SATB2: variants seen among roughly 807,000 people sequenced by gnomAD.
SATB2 encodes SATB homeobox 2.
A neutral mutation model predicts 73.4 loss-of-function variants in SATB2; 1 was observed. The observed-to-expected ratio is 0.01, with a 90% confidence interval of 0.00 to 0.06. SATB2 has a LOEUF of 0.06. SATB2 is among the 10% of genes least tolerant of loss of function. The pLI is 1.00. For missense variants in SATB2, 459 were observed against 945.8 expected (o/e 0.49, Z 6.75); for synonymous variants, 397 against 367.0 (o/e 1.08, Z -0.93).
intron 2 of SATB2, among the ~76,000 whole-genome samples, chr2:199,441,321 G>GA (rs1351383224): frequency 2.0e-5 from 3 of 151,930 alleles, no homozygotes; most frequent in Non-Finnish European, 4.4e-5. Context: ...TAAGAGTTAA[G>GA]AAAAAACCAA....
chr2:199,306,417 G>A (rs935285924), intron 10 of SATB2, among the ~76,000 whole-genome samples: 1 of 152,176 alleles, frequency 6.6e-6, no homozygotes, highest in African/African-American at 2.4e-5. Context: ...GTCAACAGCT[G>A]AGGCAAATTC....
At chr2:199,460,842 A>T (rs968342924), upstream of SATB2, among the ~76,000 whole-genome samples, 3 of 152,244 alleles carry the variant, frequency 2.0e-5, no homozygotes, top group African/African-American at 7.2e-5. This position sits in a 1 kb window ranked among gnomAD's most constrained non-coding sequence, Gnocchi z 4.0. Flanking sequence ...GGAACTATTG[A>T]TTCTAAATTA....
At chr2:199,370,894 C>A (rs1689425011) in intron 5 of SATB2, among the ~76,000 whole-genome samples, 1 of 148,522 alleles carries the variant, frequency 6.7e-6, no homozygotes, top group Non-Finnish European at 1.5e-5. Context: ...TAAGTTGTTA[C>A]CTCTACTGAT....
intron 10 of SATB2, among the ~76,000 whole-genome samples, chr2:199,277,698 T>C (rs1328606887): frequency 2.0e-5 from 3 of 152,204 alleles, no homozygotes; most frequent in East Asian, 3.9e-4. Context: ...GTAGCTTTAA[T>C]AACAATAATA....
chr2:199,338,666 C>T (rs1688411051), intron 7 of SATB2, among the ~76,000 whole-genome samples: 1 of 151,904 alleles, frequency 6.6e-6, no homozygotes, highest in Non-Finnish European at 1.5e-5. Context: ...GCCTGTAATC[C>T]CAGCACTTTG....
At chr2:199,289,744 C>T (rs1692797282) in intron 10 of SATB2, among the ~76,000 whole-genome samples, 2 of 152,174 alleles carry the variant, frequency 1.3e-5, no homozygotes, top group South Asian at 4.1e-4. Context: ...ACCAACCCCC[C>T]AGGTTGCTCC....
chr2:199,276,950 T>C (rs1267002155), intron 10 of SATB2, among the ~76,000 whole-genome samples: 1 of 152,178 alleles, frequency 6.6e-6, no homozygotes, highest in Non-Finnish European at 1.5e-5. Context: ...GATAAATAAA[T>C]TGTAGTATAC....
At position 199,272,653 on chromosome 2, in the gene SATB2, G is replaced by C; in HGVS notation, c.1760C>G (p.Ser587Cys). 3 of 1,614,076 alleles carry C rather than the reference G, an allele frequency of 1.9e-6. No individual in the cohort carries two copies. Among genetic ancestry groups the C allele is most frequent in the East Asian group, 4.5e-5 (2 of 44,866 alleles). The change falls in exon 11 of 11, where the codon TCT becomes TGT. Residue 587 changes from serine to cysteine, a missense_variant. Physicochemically the swap from Ser to Cys is moderately radical, Grantham distance 112. Transcript: ENST00000417098. The surrounding 1 kb of genome is among the most constrained non-coding windows in gnomAD (Gnocchi z 6.7). ...AGGGGAACTCTCCTTGGCTGGCTGA[G>C]ACTGCTGTCTATGAAGTACCTGATA... The part of the protein sequence containing the change: ...EPVQVLHRQQ[S>C]QPAKESSPPR...
rs1473042227 is a variant in SATB2 at position 199,455,962 on chromosome 2, G to C, written c.76C>G (p.Pro26Ala). Residue 26 changes from proline (P) to alanine (A), a missense_variant, in exon 2 of 11, where the codon CCT becomes GCT. Coordinates refer to ENST00000417098, the MANE Select transcript of SATB2 (RefSeq NM_001172509.2). The surrounding 1 kb of genome is among the most constrained non-coding windows in gnomAD (Gnocchi z 4.1). ...RRSGSPDVKG[P>A]PPVKVARLEQ... ...AGCCGGGCCACCTTCACTGGGGGAG[G>C]CCCCTTGACGTCCGGGCTGCCGCTC... is the stretch of plus-strand genomic sequence containing the variant. The C allele has an allele frequency of 6.5e-7, 1 of 1,538,502 alleles. No homozygotes were observed. The highest frequency in any genetic ancestry group is 1.4e-5 in the African/African-American group (1 of 73,058).
chr2:199,385,689 CTCT>C (rs1286783117), intron 3 of SATB2, among the ~76,000 whole-genome samples: 2 of 152,188 alleles, frequency 1.3e-5, no homozygotes, highest in Non-Finnish European at 2.9e-5. Flanking sequence ...CAGGCTCTCA[CTCT>C]TCTTGTTATC....
At chr2:199,290,068 G>A (rs760482009) in intron 10 of SATB2, among the ~76,000 whole-genome samples, 9 of 152,174 alleles carry the variant, frequency 5.9e-5, no homozygotes, top group Non-Finnish European at 8.8e-5. Context: ...GCCCCTGCTG[G>A]TCCTTGCTCC....
intron 2 of SATB2, among the ~76,000 whole-genome samples, chr2:199,435,961 A>G (rs141420717): frequency 7.2e-4 from 109 of 152,338 alleles, no homozygotes; most frequent in Admixed American, 1.1e-3. Flanking sequence ...ATATGCACAC[A>G]TAAGGCCATA....
At chr2:199,274,971 G>A (rs1473191733) in intron 10 of SATB2, among the ~76,000 whole-genome samples, 1 of 152,108 alleles carries the variant, frequency 6.6e-6, no homozygotes, top group Non-Finnish European at 1.5e-5. Flanking sequence ...CCAATTTTGG[G>A]GGAGAGAGAG....
chr2:199,371,689 T>C (rs17198959), intron 5 of SATB2, among the ~76,000 whole-genome samples: 4,974 of 152,290 alleles, frequency 0.033, 120 homozygotes, highest in Non-Finnish European at 0.052. Flanking sequence ...TTTCCAGTCA[T>C]TCTAAAGCAA....
At chr2:199,396,654 G>A (rs1357534154) in intron 3 of SATB2, 1 of 152,142 alleles carries the variant, frequency 6.6e-6, no homozygotes, top group Non-Finnish European at 1.5e-5. Flanking sequence ...GGTACACACT[G>A]AGAAACTGCT....
chr2:199,364,831 C>T (rs1196311055), intron 6 of SATB2, among the ~76,000 whole-genome samples: 1 of 151,998 alleles, frequency 6.6e-6, no homozygotes, highest in Non-Finnish European at 1.5e-5. Context: ...AATTAGGACA[C>T]ATTTAAAATA....
At chr2:199,309,846 A>C (rs986228446) in intron 9 of SATB2, among the ~76,000 whole-genome samples, 1 of 152,212 alleles carries the variant, frequency 6.6e-6, no homozygotes, top group Non-Finnish European at 1.5e-5. Context: ...AAATGTTCTT[A>C]AGAGGTGCAT....
At chr2:199,470,317 T>G (rs1692679834) in intron 1 of SATB2, 1 of 152,168 alleles carries the variant, frequency 6.6e-6, no homozygotes, top group Admixed American at 6.5e-5. Flanking sequence ...GCATCGGCCT[T>G]TCTTTACCCC....
chr2:199,333,067 A>C (rs1661152200), intron 7 of SATB2, among the ~76,000 whole-genome samples: 2 of 152,108 alleles, frequency 1.3e-5, no homozygotes, highest in South Asian at 2.1e-4. Context: ...GGATTAGGCT[A>C]TATCTCTCAT....
Sources: gnomAD v4.1 joint callset for allele counts (sites outside exome capture counted in the v4.1 genomes callset) on GRCh38, gnomAD v4.1.1 for gene constraint, Gnocchi (gnomAD v3.1) non-coding constraint, MANE v1.5 for transcripts, NCBI Gene and HGNC (gene_info 2026-07-23, HGNC 2026-07-21) for gene names.